Variants in MSI2 observed in about 807,000 individuals in gnomAD.
The protein encoded by MSI2 is musashi RNA binding protein 2.
In MSI2, 17 loss-of-function variants were observed where a neutral mutation model predicts 45.6. The ratio of observed to expected loss-of-function variants is 0.37; its 90% CI spans 0.26 to 0.56. The LOEUF (loss-of-function observed/expected upper bound fraction) is 0.56, where lower values mean the gene tolerates loss of function less well. Ranked by LOEUF, MSI2 falls within the 20% of genes least tolerant of loss-of-function variation. MSI2 has a pLI of 0.77. For synonymous variants in MSI2, 156 were observed against 158.2 expected (o/e 0.99, Z 0.11); for missense variants, 293 against 444.2 (o/e 0.66, Z 3.06).
chr17:57,257,726 T>C (rs911813744), intron 3 of MSI2, among the ~76,000 whole-genome samples, 179 bp downstream of exon 3: 22 of 151,924 alleles, frequency 1.4e-4, no homozygotes, highest in African/African-American at 5.3e-4. Context: ...TTATTGTTAA[T>C]TGGAGCTGAA....
At position 57,498,896 on chromosome 17, in the gene MSI2, T is replaced by G. The variant is rs1021327593; in HGVS notation, c.406-30780T>G. ...ACTCGTCATTTACATTAGGTATATC[T>G]CCTAATGCTGTCCCTCCCCCCTCCC... On this transcript the variant is annotated intron_variant, in intron 6 of 13. Coordinates refer to ENST00000284073, the MANE Select transcript of MSI2 (RefSeq NM_138962.4). Among the ~76,000 whole-genome samples the G allele has an allele frequency of 2.0e-5, 3 of 151,698 alleles. No homozygotes were observed. The East Asian group carries it at 5.8e-4, about 29-fold the overall frequency.
chr17:57,626,568 A>G (rs1046106287), intron 9 of MSI2: 1 of 152,260 alleles, frequency 6.6e-6, no homozygotes, highest in Non-Finnish European at 1.5e-5. Context: ...TAGAAACAAT[A>G]CGCTTGTGGT....
At chr17:57,562,130 A>G (rs753712433) in intron 7 of MSI2, among the ~76,000 whole-genome samples, 1 of 152,178 alleles carries the variant, frequency 6.6e-6, no homozygotes, top group Non-Finnish European at 1.5e-5. Flanking sequence ...GTTGTTTTCC[A>G]TTTATCTATC....
At chr17:57,501,775 C>T (rs569198932) in intron 6 of MSI2, among the ~76,000 whole-genome samples, 1 of 152,358 alleles carries the variant, frequency 6.6e-6, no homozygotes, top group East Asian at 1.9e-4. Flanking sequence ...GACCCTTCAA[C>T]ACAGCCTGCT....
chr17:57,414,095 C>T (rs1296775195), intron 6 of MSI2, among the ~76,000 whole-genome samples: 1 of 152,164 alleles, frequency 6.6e-6, no homozygotes, highest in Non-Finnish European at 1.5e-5. Context: ...AAAATAATTA[C>T]AGATTGTGTC....
intron 7 of MSI2, among the ~76,000 whole-genome samples, chr17:57,568,467 C>T (rs887016977): frequency 7.2e-5 from 11 of 152,194 alleles, no homozygotes; most frequent in African/African-American, 2.7e-4. Context: ...TCTCGTGCCT[C>T]TAGTGCCTTA....
chr17:57,391,732 C>G lies in MSI2; in HGVS notation c.313-9647C>G, dbSNP rs920739238. On this transcript the variant is annotated intron_variant, in intron 5 of 13. Transcript: ENST00000284073. ...TCCTGTCTGGCTCTTTCTTTCCCAC[C>G]TCTTTCTGAGGTTTATTAAGAATCT... Among the ~76,000 whole-genome samples, 4 of 152,184 alleles carry G rather than the reference C, an allele frequency of 2.6e-5. 1 individual carries two copies. Among genetic ancestry groups the G allele is most frequent in the Admixed American group, 6.5e-5 (1 of 15,274 alleles).
intron 5 of MSI2, among the ~76,000 whole-genome samples, chr17:57,359,951 C>G (rs1916709126): frequency 6.6e-6 from 1 of 152,228 alleles, no homozygotes; most frequent in South Asian, 2.1e-4. Flanking sequence ...ACAGGCAACT[C>G]AGGGAGCCTG....
chr17:57,352,733 G>T (rs768946818), intron 5 of MSI2, among the ~76,000 whole-genome samples: 7 of 152,004 alleles, frequency 4.6e-5, no homozygotes, highest in Admixed American at 3.9e-4. Context: ...GAAGGAGCCA[G>T]TTTCTTATGT....
chr17:57,382,939 G>A (rs1052552286), intron 5 of MSI2, among the ~76,000 whole-genome samples: 12 of 152,306 alleles, frequency 7.9e-5, no homozygotes, highest in African/African-American at 2.2e-4. Context: ...TGTCCCAGGT[G>A]TCTCAGTCCC....
intron 5 of MSI2, among the ~76,000 whole-genome samples, chr17:57,350,225 G>GGTGTGTGTGTGT (rs58596259): frequency 0.049 from 7,127 of 146,674 alleles, 450 homozygotes; most frequent in African/African-American, 0.14. Context: ...CAGAGGTAGG[G>GGTGTGTGTGTGT]GTGTGTGTGT....
Position 57,407,683 on chromosome 17 carries a change from G to A in MSI2, c.405+6212G>A, listed in dbSNP as rs2084109980. 6.6e-6 allele frequency among the ~76,000 whole-genome samples: 1 copy of A among 152,070 alleles called. No homozygotes were observed. Among genetic ancestry groups the A allele is most frequent in the East Asian group, 1.9e-4 (1 of 5,184 alleles). On this transcript the variant is annotated intron_variant, in intron 6 of 13. Transcript: ENST00000284073. The surrounding 1 kb of genome is among the most constrained non-coding windows in gnomAD (Gnocchi z 4.1). ...CTCCACCTTTTTCTGGAGAGCCTGG[G>A]TGTTGCCCTTCAGACCTTCTTCAAC... is the stretch of plus-strand genomic sequence containing the variant.
chr17:57,333,055 G>C (rs751315404), intron 5 of MSI2, among the ~76,000 whole-genome samples: 1 of 152,004 alleles, frequency 6.6e-6, no homozygotes, highest in Non-Finnish European at 1.5e-5. Flanking sequence ...GAGTACGGAT[G>C]CAAGAGTCAG....
chr17:57,384,329 T>C (rs983878163), intron 5 of MSI2, among the ~76,000 whole-genome samples: 1 of 152,182 alleles, frequency 6.6e-6, no homozygotes, highest in African/African-American at 2.4e-5. Flanking sequence ...GCTTGTTCAC[T>C]CATATGTCTG....
intron 5 of MSI2, among the ~76,000 whole-genome samples, chr17:57,338,592 A>G (rs990615401): frequency 1.9e-4 from 29 of 152,288 alleles, no homozygotes; most frequent in Middle Eastern, 3.4e-3. Context: ...TGAAGGCTGC[A>G]TAACTCGTAG....
chr17:57,622,180 G>C (rs569928550), intron 9 of MSI2, among the ~76,000 whole-genome samples: 1 of 152,326 alleles, frequency 6.6e-6, no homozygotes, highest in East Asian at 1.9e-4. Context: ...CTGGGTGACA[G>C]TGCAAGATTC....
intron 4 of MSI2, among the ~76,000 whole-genome samples, chr17:57,261,251 G>C (rs758915549): frequency 1.4e-4 from 21 of 152,156 alleles, no homozygotes; most frequent in Non-Finnish European, 2.9e-4. Flanking sequence ...CGTTTTGCAA[G>C]TGTGTGATTT....
intron 7 of MSI2, among the ~76,000 whole-genome samples, chr17:57,540,339 T>G (rs907600555): frequency 6.6e-6 from 1 of 152,182 alleles, no homozygotes; most frequent in African/African-American, 2.4e-5. Flanking sequence ...GCTTGCTGAT[T>G]GGAGAGAATG....
intron 5 of MSI2, among the ~76,000 whole-genome samples, chr17:57,325,729 A>G (rs969685861): frequency 6.6e-6 from 1 of 152,164 alleles, no homozygotes; most frequent in African/African-American, 2.4e-5. Flanking sequence ...CTGTCCATTT[A>G]CCAGGCACCT....
Sources: gnomAD v4.1 joint callset for allele counts (sites outside exome capture counted in the v4.1 genomes callset) on GRCh38, gnomAD v4.1.1 for gene constraint, Gnocchi (gnomAD v3.1) non-coding constraint, MANE v1.5 for transcripts, NCBI Gene and HGNC (gene_info 2026-07-23, HGNC 2026-07-21) for gene names.